KLF12: variants seen among roughly 807,000 people sequenced by gnomAD.
The protein encoded by KLF12 is KLF transcription factor 12.
A neutral mutation model predicts 37.8 loss-of-function variants in KLF12; 9 were observed. That is an observed-to-expected ratio of 0.24 (90% CI 0.14 to 0.42). The LOEUF (loss-of-function observed/expected upper bound fraction) is 0.42, where lower values mean the gene tolerates loss of function less well. Among genes scored for constraint, KLF12 ranks in the 10% least tolerant of loss-of-function variants. The pLI is 1.00. For missense variants in KLF12, 411 were observed against 516.0 expected (o/e 0.80, Z 1.97); for synonymous variants, 208 against 202.1 (o/e 1.03, Z -0.25).
At chr13:73,806,311 C>T (rs1882625308) in intron 5 of KLF12, among the ~76,000 whole-genome samples, 1 of 151,792 alleles carries the variant, frequency 6.6e-6, no homozygotes, top group Non-Finnish European at 1.5e-5. Context: ...ACCACGTTGG[C>T]CAGGCTGGTT....
chr13:74,260,628 T>TAAAATAAAATAAAATAAAAAAATAAA, the KLF12 span, among the ~76,000 whole-genome samples: 1 of 139,992 alleles, frequency 7.1e-6, no homozygotes, highest in African/African-American at 2.7e-5. Context: ...TAAAATAAAA[T>TAAAATAAAATAAAATAAAAAAATAAA]AGTGAATTAA....
the KLF12 span, among the ~76,000 whole-genome samples, chr13:74,147,025 G>A: frequency 6.6e-6 from 1 of 152,210 alleles, no homozygotes; most frequent in Non-Finnish European, 1.5e-5. Flanking sequence ...GTGCATGTCA[G>A]GTTTGGATTC....
chr13:73,760,535 C>A (rs1186049464), intron 6 of KLF12, among the ~76,000 whole-genome samples: 1 of 152,046 alleles, frequency 6.6e-6, no homozygotes, highest in Non-Finnish European at 1.5e-5. Context: ...TGTTGCCCAG[C>A]TGGTCTTAAA....
At chr13:73,727,380 G>C (rs910861400) in intron 6 of KLF12, among the ~76,000 whole-genome samples, 5 of 152,130 alleles carry the variant, frequency 3.3e-5, no homozygotes, top group Non-Finnish European at 7.3e-5. Context: ...TATGGTATAA[G>C]AAAGGAAGGA....
intron 5 of KLF12, among the ~76,000 whole-genome samples, chr13:73,781,563 C>A (rs1880968360): frequency 6.6e-6 from 1 of 152,176 alleles, no homozygotes; most frequent in Non-Finnish European, 1.5e-5. Context: ...ATGATTAGAG[C>A]AGTTTGCTTA....
chr13:73,695,758 G>A (rs1200534909), intron 7 of KLF12, 87 bp from the exon 8 acceptor site: 3 of 1,238,396 alleles, frequency 2.4e-6, no homozygotes, highest in Non-Finnish European at 3.5e-6. Flanking sequence ...GGAAACTGGT[G>A]TTCTCAATGA....
At chr13:73,858,469 C>A (rs908561690) in intron 3 of KLF12, among the ~76,000 whole-genome samples, 1 of 152,142 alleles carries the variant, frequency 6.6e-6, no homozygotes, top group Non-Finnish European at 1.5e-5. Flanking sequence ...CTGGGAATCC[C>A]AAACTGCTGC....
chr13:73,753,162 A>C (rs1298439570), intron 6 of KLF12, among the ~76,000 whole-genome samples: 2 of 151,996 alleles, frequency 1.3e-5, no homozygotes, highest in Non-Finnish European at 2.9e-5. Flanking sequence ...TCCCCGTCCC[A>C]CCCAGACTGC....
intron 3 of KLF12, among the ~76,000 whole-genome samples, chr13:73,848,919 A>G (rs1390334533): frequency 6.6e-6 from 1 of 152,196 alleles, no homozygotes; most frequent in African/African-American, 2.4e-5. Context: ...ATAATGCTTC[A>G]TCAGTATAAA....
At chr13:74,259,062 C>G in the KLF12 span, 2 of 152,258 alleles carry the variant, frequency 1.3e-5, no homozygotes, top group African/African-American at 2.4e-5. Flanking sequence ...ATTAACCTCC[C>G]CAAACTTCTG....
At chr13:74,140,744 A>G in the KLF12 span, among the ~76,000 whole-genome samples, 1 of 152,144 alleles carries the variant, frequency 6.6e-6, no homozygotes, top group African/African-American at 2.4e-5. Context: ...ACTGATATCA[A>G]ATTGCTGTGA....
chr13:73,715,671 A>G, intron 6 of KLF12, 146 bp from the exon 7 acceptor site: 1 of 748,704 alleles, frequency 1.3e-6, no homozygotes, highest in Non-Finnish European at 2.1e-6. Context: ...TATCTTGGGC[A>G]GATCTCACTT....
At chr13:73,778,038 G>T (rs2138171529) in intron 5 of KLF12, among the ~76,000 whole-genome samples, 1 of 152,028 alleles carries the variant, frequency 6.6e-6, no homozygotes, top group Admixed American at 6.5e-5. Context: ...GGAGGCTGAG[G>T]CAGGAGAATC....
chr13:74,204,357 A>G, the KLF12 span, among the ~76,000 whole-genome samples: 4 of 152,158 alleles, frequency 2.6e-5, no homozygotes, highest in South Asian at 8.3e-4. Context: ...ATATTTTGTA[A>G]TGGGAAAGTT....
intron 4 of KLF12, among the ~76,000 whole-genome samples, chr13:73,820,358 AC>A (rs892902173): frequency 3.9e-4 from 59 of 152,290 alleles, no homozygotes; most frequent in African/African-American, 1.4e-3. Context: ...TGATATTCTG[AC>A]TTCATTTGGT....
intron 4 of KLF12, among the ~76,000 whole-genome samples, chr13:73,829,465 C>T (rs1349246959): frequency 6.6e-6 from 1 of 151,866 alleles, no homozygotes; most frequent in Non-Finnish European, 1.5e-5. Flanking sequence ...CAACTAGTTT[C>T]ATTTGGTTTA....
At chr13:73,761,917 C>T (rs1217845970) in intron 6 of KLF12, among the ~76,000 whole-genome samples, 2 of 152,122 alleles carry the variant, frequency 1.3e-5, no homozygotes, top group African/African-American at 4.8e-5. Flanking sequence ...CGACCAAACC[C>T]CAAAGGCTTC....
chr13:73,796,655 T>G (rs995286949), intron 5 of KLF12, among the ~76,000 whole-genome samples: 1 of 152,150 alleles, frequency 6.6e-6, no homozygotes, highest in Non-Finnish European at 1.5e-5. Flanking sequence ...GAAAACTCTT[T>G]GGTAGTTTAT....
At chr13:74,275,290 A>G in the KLF12 span, among the ~76,000 whole-genome samples, 8 of 152,316 alleles carry the variant, frequency 5.3e-5, no homozygotes, top group South Asian at 4.1e-4. Flanking sequence ...AGGCTTTCCA[A>G]TGTCACTATG....
Sources: gnomAD v4.1 joint callset for allele counts (sites outside exome capture counted in the v4.1 genomes callset) on GRCh38, gnomAD v4.1.1 for gene constraint, MANE v1.5 for transcripts, NCBI Gene and HGNC (gene_info 2026-07-23, HGNC 2026-07-21) for gene names.